Variants in GALNT10 observed in about 807,000 individuals in gnomAD.
GALNT10 encodes the protein GalNAc transferase 10.
Under a neutral mutation model 75.0 loss-of-function variants are expected in GALNT10, and 41 were observed. The ratio of observed to expected loss-of-function variants is 0.55; its 90% CI spans 0.43 to 0.71. GALNT10 has a LOEUF of 0.71. Ranked by LOEUF, GALNT10 falls within the 30% of genes least tolerant of loss-of-function variation. The probability of loss-of-function intolerance (pLI) is 0.00; values close to 1 mark genes in which losing one functional copy is unlikely to be tolerated. For missense variants in GALNT10, 727 were observed against 818.5 expected (o/e 0.89, Z 1.36); for synonymous variants, 302 against 313.0 (o/e 0.96, Z 0.37).
intron 1 of GALNT10, among the ~76,000 whole-genome samples, chr5:154,228,156 T>C (rs1011641760): frequency 2.6e-5 from 4 of 152,208 alleles, no homozygotes; most frequent in South Asian, 2.1e-4. Flanking sequence ...ATGCTTCCTG[T>C]AAAGCCTTCA....
chr5:154,385,620 TCTC>T (rs1274244598), intron 6 of GALNT10, among the ~76,000 whole-genome samples: 3 of 151,948 alleles, frequency 2.0e-5, no homozygotes, highest in Non-Finnish European at 4.4e-5. Context: ...TACACCAACA[TCTC>T]CTGAAGGACT....
chr5:154,344,365 C>T (rs1302925609), intron 4 of GALNT10, among the ~76,000 whole-genome samples: 1 of 151,960 alleles, frequency 6.6e-6, no homozygotes, highest in African/African-American at 2.4e-5. Flanking sequence ...GCGCGCACCA[C>T]CATGCCCGGC....
intron 1 of GALNT10, among the ~76,000 whole-genome samples, chr5:154,246,660 GT>G (rs1753430817): frequency 6.6e-6 from 1 of 152,112 alleles, no homozygotes; most frequent in African/African-American, 2.4e-5. Context: ...GGGGTTGTTT[GT>G]TTTTTTCTTG....
intron 7 of GALNT10, among the ~76,000 whole-genome samples, chr5:154,397,848 C>T (rs987983542): frequency 2.6e-5 from 4 of 152,206 alleles, no homozygotes; most frequent in Non-Finnish European, 4.4e-5. Flanking sequence ...GCCCCAGCCC[C>T]TGCCCTCTCG....
chr5:154,374,224 G>C (rs1238234872), intron 4 of GALNT10, among the ~76,000 whole-genome samples: 2 of 152,178 alleles, frequency 1.3e-5, no homozygotes, highest in Non-Finnish European at 1.5e-5. Flanking sequence ...CTGTACCAAA[G>C]AGAAGTGGGA....
intron 7 of GALNT10, among the ~76,000 whole-genome samples, chr5:154,390,638 A>G (rs1013953826): frequency 6.6e-6 from 1 of 152,232 alleles, no homozygotes; most frequent in Admixed American, 6.5e-5. Flanking sequence ...TACTCCAAGT[A>G]AGTGTGTCCC....
At chr5:154,280,381 T>A (rs1754022280) in intron 1 of GALNT10, among the ~76,000 whole-genome samples, 1 of 152,152 alleles carries the variant, frequency 6.6e-6, no homozygotes, top group Non-Finnish European at 1.5e-5. Context: ...ATTTATTGTA[T>A]TTTTTCAAAT....
At chr5:154,381,050 G>A (rs1309816473) in intron 6 of GALNT10, among the ~76,000 whole-genome samples, 4 of 152,076 alleles carry the variant, frequency 2.6e-5, no homozygotes, top group Non-Finnish European at 4.4e-5. Context: ...TTCCAAATGG[G>A]GACACCAATG....
intron 3 of GALNT10, among the ~76,000 whole-genome samples, chr5:154,315,641 A>G (rs775590872): frequency 8.5e-5 from 13 of 152,196 alleles, no homozygotes; most frequent in Admixed American, 8.5e-4. Flanking sequence ...TGGCAAGTCA[A>G]TGGATTGGCG....
chr5:154,323,713 C>G lies in GALNT10; in HGVS notation c.402-5859C>G, dbSNP rs185245604. The stretch of plus-strand genomic sequence containing the variant: ...TCCACCTCGGCAGGTTCCTTCGCCT[C>G]ATTGAGCCTCCCTCAGCATCCCTTC... On this transcript the variant is annotated intron_variant, in intron 3 of 11. Transcript: ENST00000297107. 4.6e-5 allele frequency among the ~76,000 whole-genome samples: 7 copies of G among 152,350 alleles called. No homozygotes were observed. The East Asian group carries it at 9.6e-4, about 21-fold the overall frequency.
At chr5:154,244,032 A>T (rs1753383547) in intron 1 of GALNT10, among the ~76,000 whole-genome samples, 1 of 152,220 alleles carries the variant, frequency 6.6e-6, no homozygotes, top group African/African-American at 2.4e-5. Context: ...GGTGAGTAGC[A>T]GCACCAGGAA....
chr5:154,226,166 C>A (rs1267914632), intron 1 of GALNT10, among the ~76,000 whole-genome samples: 1 of 152,000 alleles, frequency 6.6e-6, no homozygotes, highest in East Asian at 1.9e-4. Flanking sequence ...ATTTAACATG[C>A]ATTCTTGAAT....
chr5:154,247,006 C>T (rs1490906621), intron 1 of GALNT10, among the ~76,000 whole-genome samples: 1 of 152,140 alleles, frequency 6.6e-6, no homozygotes, highest in African/African-American at 2.4e-5. Flanking sequence ...AGGAAGGGAT[C>T]CAGTTTCAGC....
intron 1 of GALNT10, among the ~76,000 whole-genome samples, chr5:154,198,481 G>A (rs1325495667): frequency 6.6e-6 from 1 of 152,214 alleles, no homozygotes; most frequent in Non-Finnish European, 1.5e-5. Context: ...TGTCTAGAAG[G>A]TGAGCAATTC....
chr5:154,370,856 A>T (rs973983349), intron 4 of GALNT10, among the ~76,000 whole-genome samples: 1 of 152,226 alleles, frequency 6.6e-6, no homozygotes, highest in African/African-American at 2.4e-5. Flanking sequence ...TAGCCAGTGC[A>T]GTAGGCCGTG....
chr5:154,244,409 T>C (rs1382853537), intron 1 of GALNT10, among the ~76,000 whole-genome samples: 3 of 151,772 alleles, frequency 2.0e-5, no homozygotes, highest in African/African-American at 4.8e-5. Flanking sequence ...TCTAAAAAAT[T>C]TTTTTTTAAT....
intron 1 of GALNT10, among the ~76,000 whole-genome samples, chr5:154,248,386 G>A (rs1225178307): frequency 6.6e-6 from 1 of 152,212 alleles, no homozygotes; most frequent in Non-Finnish European, 1.5e-5. Flanking sequence ...AGAAGGAATG[G>A]TAACAGCTCC....
At chr5:154,248,833 G>A (rs1011134879) in intron 1 of GALNT10, among the ~76,000 whole-genome samples, 1 of 152,214 alleles carries the variant, frequency 6.6e-6, no homozygotes, top group Non-Finnish European at 1.5e-5. Context: ...GGGAATGAGG[G>A]CATTTTTCTT....
At chr5:154,382,000 G>T (rs1755742004) in intron 6 of GALNT10, among the ~76,000 whole-genome samples, 1 of 152,190 alleles carries the variant, frequency 6.6e-6, no homozygotes, top group South Asian at 2.1e-4. Flanking sequence ...CATATTCACA[G>T]GTTCCGGAGA....
Sources: allele counts gnomAD v4.1 joint callset (sites outside exome capture counted in the v4.1 genomes callset), GRCh38; gene constraint gnomAD v4.1.1; transcripts MANE v1.5; gene names NCBI Gene and HGNC (gene_info 2026-07-23, HGNC 2026-07-21).